The following DLGAP4 variants were observed in gnomAD, a reference collection of about 807,000 sequenced individuals.
The protein encoded by DLGAP4 is disks large-associated protein 4.
A neutral mutation model predicts 86.9 loss-of-function variants in DLGAP4; 18 were observed. The observed-to-expected ratio is 0.21, with a 90% CI of 0.14 to 0.31. The LOEUF is 0.31. Among genes scored for constraint, DLGAP4 ranks in the 10% least tolerant of loss-of-function variants. The pLI is 1.00. For missense variants in DLGAP4, 1,085 were observed against 1,362.6 expected, an observed-to-expected ratio of 0.80 and a Z score of 3.21; for synonymous variants, 548 against 574.3, an observed-to-expected ratio of 0.95 and a Z score of 0.65.
At position 36,500,761 on chromosome 20, in the gene DLGAP4, C is replaced by T. The variant is rs534520887; in HGVS notation, c.2512+150C>T. 5.4e-5 allele frequency: 38 copies of T among 700,522 alleles called. No homozygotes were observed. Among genetic ancestry groups the T allele is most frequent in the Non-Finnish European group, 7.7e-5 (37 of 480,684 alleles). The allele number at this position is 700,522 out of a possible 1,614,324, so 43.4% of individuals were successfully genotyped here. On this transcript the variant is annotated intron_variant, in intron 10 of 12. Transcript: ENST00000339266. The surrounding 1 kb of genome is among the most constrained non-coding windows in gnomAD (Gnocchi z 4.6). Reference sequence around the variant, plus strand: ...TTGAGCTCCCTTCTTACTTTCTTCGCATTCTTCCATCCATCCACCTATTTA... The same window carrying T: ...TTGAGCTCCCTTCTTACTTTCTTCGTATTCTTCCATCCATCCACCTATTTA...
At chr20:36,325,104 T>C (rs1357816617) in intron 1 of DLGAP4, among the ~76,000 whole-genome samples, 5 of 152,200 alleles carry the variant, frequency 3.3e-5, no homozygotes, top group Non-Finnish European at 7.3e-5. Flanking sequence ...TGCTATAAAG[T>C]TTCCTCTAAG....
At chr20:36,401,896 G>A (rs754167759) in intron 2 of DLGAP4, among the ~76,000 whole-genome samples, 6 of 152,248 alleles carry the variant, frequency 3.9e-5, no homozygotes, top group Non-Finnish European at 5.9e-5. Flanking sequence ...TACAGCCAAT[G>A]TGAACGCCCT....
In DLGAP4 at chr20:36,500,154, GACTC is replaced by G. The variant is rs2036075445; in HGVS notation, c.2100-40_2100-37del. The G allele has an allele frequency of 2.0e-6, 3 of 1,501,782 alleles. No individual in the cohort carries two copies. Among genetic ancestry groups the G allele is most frequent in the Middle Eastern group, 1.8e-4 (1 of 5,592 alleles). 93.0% of individuals were successfully genotyped at this position (1,501,782 alleles called of 1,614,324 possible). On this transcript the variant is annotated intron_variant, in intron 9 of 12. Coordinates refer to ENST00000339266, the MANE Select transcript of DLGAP4 (RefSeq NM_001365621.2). This position sits in a 1 kb window ranked among gnomAD's most constrained non-coding sequence, Gnocchi z 4.6. ...GCCTCTGGTCTCTGGCCCTCTTGGT[GACTC>G]ACTCCTTCCTGTCCCCACCCCATCC...
chr20:36,437,751 G>A (rs140830041), intron 4 of DLGAP4, among the ~76,000 whole-genome samples: 28 of 152,280 alleles, frequency 1.8e-4, no homozygotes, highest in Non-Finnish European at 3.7e-4. Flanking sequence ...AACAGGTCAG[G>A]TGACACTGGT....
intron 10 of DLGAP4, among the ~76,000 whole-genome samples, chr20:36,510,030 A>G (rs1324426243): frequency 6.6e-6 from 1 of 150,624 alleles, no homozygotes; most frequent in East Asian, 2.0e-4. Flanking sequence ...CTAATTTTGT[A>G]TTTTTAGTGT....
At chr20:36,461,725 C>G (rs1320828913) in intron 7 of DLGAP4, 1 of 895,030 alleles carries the variant, frequency 1.1e-6, no homozygotes, top group African/African-American at 2.2e-5. Flanking sequence ...CTCCTCCTCC[C>G]CGTCTGTCCG....
chr20:36,442,846 T>A, intron 6 of DLGAP4, 69 bp downstream of exon 6: 17 of 1,603,790 alleles, frequency 1.1e-5, no homozygotes, highest in Non-Finnish European at 1.5e-5. Context: ...GCCTGCCCTC[T>A]GAGTGGTCCC....
intron 1 of DLGAP4, among the ~76,000 whole-genome samples, chr20:36,328,869 G>T (rs948231837): frequency 1.3e-5 from 2 of 151,806 alleles, no homozygotes; most frequent in African/African-American, 2.4e-5. Flanking sequence ...TCCACCTCCT[G>T]GGTTCAAGCA....
At chr20:36,456,586 C>T (rs1413665566) in intron 7 of DLGAP4, among the ~76,000 whole-genome samples, 1 of 152,224 alleles carries the variant, frequency 6.6e-6, no homozygotes, top group African/African-American at 2.4e-5. Flanking sequence ...AGGCACCTCT[C>T]CACAGAGGAC....
chr20:36,442,251 A>G (rs1176083054), intron 5 of DLGAP4, among the ~76,000 whole-genome samples: 2 of 152,096 alleles, frequency 1.3e-5, no homozygotes, highest in African/African-American at 2.4e-5. Context: ...CTGGAGTGCA[A>G]TGGCGCGATC....
At chr20:36,405,954 A>G (rs191210820) in intron 2 of DLGAP4, among the ~76,000 whole-genome samples, 3 of 152,210 alleles carry the variant, frequency 2.0e-5, no homozygotes, top group Admixed American at 2.0e-4. Context: ...CAGTGACCCA[A>G]GGAAAGTATT....
At chr20:36,370,911 G>A (rs2030903791) in intron 2 of DLGAP4, among the ~76,000 whole-genome samples, 1 of 152,198 alleles carries the variant, frequency 6.6e-6, no homozygotes, top group Non-Finnish European at 1.5e-5. Context: ...TCACTGGATG[G>A]GGGGCCAAAC....
At chr20:36,498,149 G>C (rs1011605806) in intron 8 of DLGAP4, 2 of 152,306 alleles carry the variant, frequency 1.3e-5, no homozygotes, top group African/African-American at 4.8e-5. Context: ...ACAAAGTGGA[G>C]CTTGAATGGA....
intron 10 of DLGAP4, among the ~76,000 whole-genome samples, chr20:36,516,552 G>T (rs369294900): frequency 6.6e-6 from 1 of 151,536 alleles, no homozygotes; most frequent in South Asian, 2.1e-4. Context: ...TGTAATCCCA[G>T]CTACTTGGAA....
chr20:36,459,047 G>C (rs1413688015), intron 7 of DLGAP4, among the ~76,000 whole-genome samples: 1 of 152,220 alleles, frequency 6.6e-6, no homozygotes, highest in Non-Finnish European at 1.5e-5. Context: ...GAAGTTGGGA[G>C]AGGAGCATCT....
chr20:36,490,555 C>G (rs570438865), intron 7 of DLGAP4, among the ~76,000 whole-genome samples: 1 of 152,296 alleles, frequency 6.6e-6, no homozygotes, highest in Non-Finnish European at 1.5e-5. Context: ...GGGAGTCTGC[C>G]TTTCTCTGGG....
chr20:36,460,338 C>T (rs891336676), intron 7 of DLGAP4, among the ~76,000 whole-genome samples: 1 of 151,754 alleles, frequency 6.6e-6, no homozygotes, highest in South Asian at 2.1e-4. Flanking sequence ...ATAGTACAGG[C>T]GTAGCATAAG....
chr20:36,489,109 G>A (rs554776828), intron 7 of DLGAP4, among the ~76,000 whole-genome samples: 4 of 152,260 alleles, frequency 2.6e-5, no homozygotes, highest in East Asian at 1.9e-4. Flanking sequence ...ATAGACCTGC[G>A]AAAGGACACT....
At position 36,477,373 on chromosome 20, in the gene DLGAP4, G is replaced by A. The variant is rs887023695; in HGVS notation, c.1649-19332G>A. Among the ~76,000 whole-genome samples the A allele has an allele frequency of 3.3e-5, 5 of 152,364 alleles. No individual in the cohort carries two copies. In the East Asian group the frequency reaches 5.8e-4, roughly 18 times the overall value. On this transcript the variant is annotated intron_variant, in intron 7 of 12. Coordinates refer to ENST00000339266, the MANE Select transcript of DLGAP4 (RefSeq NM_001365621.2). ...GCCTCCCAAAGTGCTGGGATTACAG[G>A]CATGAGCCACCATGCCCAGGCAATT...
Sources: gnomAD v4.1 joint callset for allele counts (sites outside exome capture counted in the v4.1 genomes callset) on GRCh38, gnomAD v4.1.1 for gene constraint, Gnocchi (gnomAD v3.1) non-coding constraint, MANE v1.5 for transcripts, NCBI Gene and HGNC (gene_info 2026-07-23, HGNC 2026-07-21) for gene names.